RIMS2: variants seen among roughly 807,000 people sequenced by gnomAD.
RIMS2 encodes regulating synaptic membrane exocytosis protein 2.
In RIMS2, 59 loss-of-function variants were observed where a neutral mutation model predicts 174.4. The observed-to-expected ratio is 0.34, with a 90% confidence interval of 0.27 to 0.42. The LOEUF is 0.42. Ranked by LOEUF, RIMS2 falls within the 10% of genes least tolerant of loss-of-function variation. The pLI is 1.00. For missense variants in RIMS2, 1,620 were observed against 1,666.3 expected, an observed-to-expected ratio of 0.97 and a Z score of 0.48; for synonymous variants, 606 against 572.5, an observed-to-expected ratio of 1.06 and a Z score of -0.84.
At chr8:104,208,387 G>A (rs996088452) in intron 19 of RIMS2, among the ~76,000 whole-genome samples, 3 of 152,032 alleles carry the variant, frequency 2.0e-5, no homozygotes, top group Non-Finnish European at 2.9e-5. Context: ...GGCCAACAAG[G>A]TGAAACCCTG....
chr8:103,786,400 G>A (rs893872690), intron 3 of RIMS2, among the ~76,000 whole-genome samples: 4 of 151,400 alleles, frequency 2.6e-5, no homozygotes, highest in South Asian at 2.1e-4. Flanking sequence ...TTTCTCTTGT[G>A]GGCATTTAGT....
At chr8:103,540,584 A>C (rs1206630609) in intron 1 of RIMS2, among the ~76,000 whole-genome samples, 1 of 152,228 alleles carries the variant, frequency 6.6e-6, no homozygotes, top group Non-Finnish European at 1.5e-5. Flanking sequence ...TGCAGCCATC[A>C]ACATAAAATG....
At chr8:103,501,053 C>T (rs201272321) in exon 1 of RIMS2, 1 of 1,605,116 alleles carries the variant, frequency 6.2e-7, no homozygotes, top group Non-Finnish European at 8.5e-7. Context: ...AAGGAGCAGT[C>T]CGTGCTCAAG....
chr8:103,662,672 GTCTATCTA>G (rs61138262), intron 1 of RIMS2, among the ~76,000 whole-genome samples: 18,816 of 149,570 alleles, frequency 0.13, 1,199 homozygotes, highest in East Asian at 0.2. Context: ...AGTCAGAAGA[GTCTATCTA>G]TCTATCTATC....
intron 1 of RIMS2, among the ~76,000 whole-genome samples, chr8:103,613,293 G>T (rs2095429386): frequency 6.6e-6 from 1 of 152,178 alleles, no homozygotes; most frequent in Non-Finnish European, 1.5e-5. Flanking sequence ...TCCCTTCAAT[G>T]GGCAGAGGAG....
intron 1 of RIMS2, among the ~76,000 whole-genome samples, chr8:103,615,423 G>C (rs777977716): frequency 1.3e-5 from 2 of 152,088 alleles, no homozygotes; most frequent in South Asian, 4.1e-4. Flanking sequence ...ACATCAAAAA[G>C]TTAGAAAGAT....
chr8:104,146,371 A>G (rs925348699), intron 19 of RIMS2, among the ~76,000 whole-genome samples: 16 of 152,076 alleles, frequency 1.1e-4, no homozygotes, highest in African/African-American at 3.9e-4. Flanking sequence ...AGAGCAAAAC[A>G]CCATCTCTAA....
At chr8:104,184,074 C>T (rs750649769) in intron 19 of RIMS2, among the ~76,000 whole-genome samples, 2 of 151,506 alleles carry the variant, frequency 1.3e-5, no homozygotes, top group Non-Finnish European at 3.0e-5. Flanking sequence ...CCACACACCC[C>T]ACAAAAGGAA....
At chr8:104,041,887 A>G (rs893183193) in intron 19 of RIMS2, among the ~76,000 whole-genome samples, 17 of 151,588 alleles carry the variant, frequency 1.1e-4, no homozygotes, top group Non-Finnish European at 8.9e-5. Context: ...TTCTGACAAT[A>G]TATTCTACAG....
At chr8:103,803,225 A>G (rs2098627126) in intron 3 of RIMS2, among the ~76,000 whole-genome samples, 1 of 152,154 alleles carries the variant, frequency 6.6e-6, no homozygotes, top group African/African-American at 2.4e-5. Context: ...AATGATATGG[A>G]ATAACTGAAT....
At chr8:104,174,133 G>C (rs988400235) in intron 19 of RIMS2, among the ~76,000 whole-genome samples, 1 of 151,934 alleles carries the variant, frequency 6.6e-6, no homozygotes, top group Admixed American at 6.6e-5. Flanking sequence ...TTTTAGTAGA[G>C]ATGGGGTTTC....
intron 19 of RIMS2, among the ~76,000 whole-genome samples, chr8:104,111,909 G>A (rs937942455): frequency 2.8e-4 from 43 of 152,040 alleles, no homozygotes; most frequent in African/African-American, 9.9e-4. Flanking sequence ...CTCTCTCCCA[G>A]TTTCCCTCTT....
chr8:104,250,745 A>G (rs2441816), intron 22 of RIMS2, among the ~76,000 whole-genome samples: 90,596 of 151,992 alleles, frequency 0.6, 27,113 homozygotes, highest in East Asian at 0.66. Context: ...TCAGGACTGG[A>G]AGCATTTCCC....
chr8:103,511,890 C>T (rs1380842683), intron 1 of RIMS2, among the ~76,000 whole-genome samples: 1 of 152,162 alleles, frequency 6.6e-6, no homozygotes, highest in East Asian at 1.9e-4. Flanking sequence ...AGAAGCCCTT[C>T]CTGTGTGTCT....
chr8:103,603,480 C>T (rs1057492699), intron 1 of RIMS2, among the ~76,000 whole-genome samples: 2 of 151,408 alleles, frequency 1.3e-5, no homozygotes, highest in Non-Finnish European at 2.9e-5. Context: ...GTCTTTATAG[C>T]AGCATGATTT....
intron 1 of RIMS2, among the ~76,000 whole-genome samples, chr8:103,576,220 T>G (rs1365375726): frequency 1.3e-5 from 2 of 152,310 alleles, no homozygotes; most frequent in East Asian, 3.9e-4. Context: ...GAATATTTAC[T>G]ACAACCAAGG....
intron 3 of RIMS2, among the ~76,000 whole-genome samples, chr8:103,767,992 G>A (rs1410480233): frequency 2.6e-5 from 4 of 152,164 alleles, no homozygotes; most frequent in African/African-American, 7.2e-5. Flanking sequence ...TCACTGGCTA[G>A]AGAAAGCACT....
chr8:103,779,064 C>T (rs1283952686), intron 3 of RIMS2, among the ~76,000 whole-genome samples: 1 of 152,128 alleles, frequency 6.6e-6, no homozygotes, highest in African/African-American at 2.4e-5. Context: ...AATGTCTGTT[C>T]AGATCTTTTG....
intron 3 of RIMS2, chr8:103,880,591 G>C (rs949232876): frequency 2.2e-6 from 1 of 456,590 alleles, no homozygotes; most frequent in African/African-American, 2.0e-5. Flanking sequence ...TTTTGCCAGG[G>C]CTAGAAGGAT....
Sources: allele counts gnomAD v4.1 joint callset (sites outside exome capture counted in the v4.1 genomes callset), GRCh38; gene constraint gnomAD v4.1.1; transcripts MANE v1.5; gene names NCBI Gene and HGNC (gene_info 2026-07-23, HGNC 2026-07-21).